ZFPM2: variants seen among roughly 807,000 people sequenced by gnomAD.
The protein encoded by ZFPM2 is zinc finger protein ZFPM2.
Under a neutral mutation model 98.6 loss-of-function variants are expected in ZFPM2, and 20 were observed. The observed-to-expected ratio is 0.20, with a 90% CI of 0.14 to 0.29. ZFPM2 has a LOEUF of 0.29. Ranked by LOEUF, ZFPM2 falls within the 10% of genes least tolerant of loss-of-function variation. ZFPM2 has a pLI of 1.00. For synonymous variants in ZFPM2, 518 were observed against 502.7 expected, an observed-to-expected ratio of 1.03 and a Z score of -0.41; for missense variants, 1,310 against 1,388.6, an observed-to-expected ratio of 0.94 and a Z score of 0.90.
intron 1 of ZFPM2, among the ~76,000 whole-genome samples, chr8:105,363,102 G>T (rs1810439205): frequency 6.6e-6 from 1 of 152,066 alleles, no homozygotes; most frequent in Non-Finnish European, 1.5e-5. Context: ...ATGGGTCAAG[G>T]ACTTTGCACA....
Position 105,546,620 on chromosome 8 carries a change from T to G in ZFPM2, c.302-14743T>G, listed in dbSNP as rs1400988524. On this transcript the variant is annotated intron_variant, in intron 3 of 7. Coordinates refer to ENST00000407775, the MANE Select transcript of ZFPM2 (RefSeq NM_012082.4). ...AACCACTAAGATAAAACTTATAACA[T>G]GTATTGAGTTCTTACTATGTGCTCG... 8.0e-5 allele frequency among the ~76,000 whole-genome samples: 12 copies of G among 150,420 alleles called. No individual in the cohort carries two copies. In the East Asian group the frequency reaches 2.0e-3, roughly 25 times the overall value.
intron 6 of ZFPM2, among the ~76,000 whole-genome samples, chr8:105,791,057 C>G (rs929928036): frequency 6.6e-6 from 1 of 152,198 alleles, no homozygotes; most frequent in Non-Finnish European, 1.5e-5. Flanking sequence ...TTGACTTCCT[C>G]TTTTCCTAAT....
Position 105,748,793 on chromosome 8 carries a change from A to G in ZFPM2, c.533-39925A>G, listed in dbSNP as rs374344920. Among the ~76,000 whole-genome samples the G allele has an allele frequency of 2.0e-5, 3 of 152,216 alleles. No homozygotes were observed. The East Asian group carries it at 5.8e-4, about 29-fold the overall frequency. On this transcript the variant is annotated intron_variant, in intron 5 of 7. Transcript: ENST00000407775. ...ATGTGATCACTTTGCACTCAAATGG[A>G]TATAATATGCATTGACAAAGCTGCA...
chr8:105,776,046 A>G (rs974254581), intron 5 of ZFPM2, among the ~76,000 whole-genome samples: 4 of 152,128 alleles, frequency 2.6e-5, no homozygotes, highest in Admixed American at 1.3e-4. Context: ...AGCTTCTTAA[A>G]AAAGAAAGGA....
chr8:105,435,604 C>T (rs1812103789), intron 2 of ZFPM2, among the ~76,000 whole-genome samples: 1 of 151,868 alleles, frequency 6.6e-6, no homozygotes, highest in Admixed American at 6.6e-5. Flanking sequence ...ATTATTCATT[C>T]CAATTTTCCT....
intron 4 of ZFPM2, among the ~76,000 whole-genome samples, chr8:105,573,513 C>T (rs1436305201): frequency 6.6e-6 from 1 of 152,154 alleles, no homozygotes; most frequent in Non-Finnish European, 1.5e-5. Flanking sequence ...TGCTATACAG[C>T]ATCATAACCA....
At chr8:105,435,475 T>A (rs563256354) in intron 2 of ZFPM2, among the ~76,000 whole-genome samples, 3 of 152,182 alleles carry the variant, frequency 2.0e-5, no homozygotes, top group Non-Finnish European at 4.4e-5. Context: ...TTAAATGAGT[T>A]CCTAGCTCTT....
intron 1 of ZFPM2, among the ~76,000 whole-genome samples, chr8:105,358,989 C>T (rs1812803182): frequency 6.6e-6 from 1 of 152,092 alleles, no homozygotes. Context: ...TGTGGAACCC[C>T]AGAGGTAATT....
intron 1 of ZFPM2, among the ~76,000 whole-genome samples, chr8:105,418,122 C>T (rs1811714752): frequency 6.6e-6 from 1 of 151,820 alleles, no homozygotes; most frequent in Non-Finnish European, 1.5e-5. Flanking sequence ...CTCCTTAGGC[C>T]CTGGAAATTT....
chr8:105,320,148 G>A (rs1811995661), intron 1 of ZFPM2, among the ~76,000 whole-genome samples: 1 of 151,750 alleles, frequency 6.6e-6, no homozygotes, highest in South Asian at 2.1e-4. Flanking sequence ...ACCCCCAAAT[G>A]TTGAAAATTC....
At position 105,803,095 on chromosome 8, in the gene ZFPM2, G is replaced by A. The variant is rs747521226; in HGVS notation, c.3013G>A (p.Glu1005Lys). The A allele has an allele frequency of 1.5e-5, 24 of 1,613,666 alleles. No homozygotes were observed. The highest frequency in any genetic ancestry group is 2.2e-5 in the East Asian group (1 of 44,874). Residue 1005 changes from glutamate to lysine, a missense_variant, in exon 8 of 8, where the codon GAG (glutamate) becomes AAG (lysine). Transcript: ENST00000407775. Reference sequence around the variant, plus strand: ...TCTTGTCATCCATAACACTGACATCGAGCAAAGCAGAAATGCAGAAAATGA... The same window carrying A: ...TCTTGTCATCCATAACACTGACATCAAGCAAAGCAGAAATGCAGAAAATGA... ...GSLVIHNTDI[E>K]QSRNAENESP...
At chr8:105,719,956 C>G (rs76092401) in intron 5 of ZFPM2, among the ~76,000 whole-genome samples, 1 of 152,014 alleles carries the variant, frequency 6.6e-6, no homozygotes, top group East Asian at 1.9e-4. Context: ...GGATAACTTG[C>G]ATTTAGAAAT....
chr8:105,803,237 A>G lies in ZFPM2; in HGVS notation c.3155A>G (p.Glu1052Gly). The stretch of plus-strand genomic sequence containing the variant: ...GTGAATGGTGGACTGAAACAAGATG[A>G]GAGACCTGCTGCCAACCCACAGCAA... ...VIVNGGLKQD[E>G]RPAANPQQEN... is the part of the protein sequence containing the mutation. The change falls in exon 8 of 8, where the codon GAG (glutamate) becomes GGG (glycine). Residue 1052 changes from glutamate to glycine, a missense_variant. By Grantham distance (98) the Glu-to-Gly change is moderately conservative (BLOSUM62 -2). Transcript: ENST00000407775. 6.2e-7 allele frequency: 1 copy of G among 1,607,948 alleles called. No individual in the cohort carries two copies. Among genetic ancestry groups the G allele is most frequent in the Non-Finnish European group, 8.5e-7 (1 of 1,176,270 alleles).
Position 105,542,154 on chromosome 8 carries a change from TTTA to T in ZFPM2, c.302-19206_302-19204del, listed in dbSNP as rs779576884. Among the ~76,000 whole-genome samples, 82 of 152,252 alleles carry T rather than the reference TTTA, an allele frequency of 5.4e-4. No individual in the cohort carries two copies. The Middle Eastern group carries it at 0.014, about 25-fold the overall frequency. ...GTTATTTTGCTAGCTTTGTAATTAA[TTTA>T]TTGATTGATAGTGAGTAAAAATATC... On this transcript the variant is annotated intron_variant, in intron 3 of 7. Transcript: ENST00000407775.
chr8:105,620,302 A>C (rs765194834), intron 4 of ZFPM2, among the ~76,000 whole-genome samples: 4 of 152,046 alleles, frequency 2.6e-5, no homozygotes, highest in East Asian at 1.9e-4. Context: ...GCATTTTTTC[A>C]TGTGTCTGTT....
At chr8:105,754,977 T>C (rs1469235844) in intron 5 of ZFPM2, among the ~76,000 whole-genome samples, 2 of 150,424 alleles carry the variant, frequency 1.3e-5, no homozygotes, top group African/African-American at 2.5e-5. Context: ...TGTGTGTGTG[T>C]GTGTGTGCAC....
chr8:105,363,070 G>A lies in ZFPM2; in HGVS notation c.40+44089G>A, dbSNP rs1586317805. Among the ~76,000 whole-genome samples the A allele has an allele frequency of 3.3e-5, 5 of 152,222 alleles. No individual in the cohort carries two copies. In the South Asian group the frequency reaches 8.3e-4, roughly 25 times the overall value. ...TTCATGAAAGTGATCAAGAATGAAC[G>A]TGTATCCCCACTCACCTTTACATGG... On this transcript the variant is annotated intron_variant, in intron 1 of 7. Coordinates refer to ENST00000407775, the MANE Select transcript of ZFPM2 (RefSeq NM_012082.4).
At chr8:105,645,145 C>A (rs377350590) in intron 5 of ZFPM2, among the ~76,000 whole-genome samples, 28 of 152,146 alleles carry the variant, frequency 1.8e-4, no homozygotes, top group African/African-American at 6.5e-4. Flanking sequence ...GTGGATAAAC[C>A]AGTATGATGC....
At chr8:105,631,131 G>A (rs966121428) in intron 4 of ZFPM2, among the ~76,000 whole-genome samples, 2 of 152,160 alleles carry the variant, frequency 1.3e-5, no homozygotes, top group Non-Finnish European at 1.5e-5. Context: ...AGTAAGGGAA[G>A]TACCTAACAA....
Sources: allele counts gnomAD v4.1 joint callset (sites outside exome capture counted in the v4.1 genomes callset), GRCh38; gene constraint gnomAD v4.1.1; transcripts MANE v1.5; gene names NCBI Gene and HGNC (gene_info 2026-07-23, HGNC 2026-07-21).